The following ADAMTSL1 variants were observed in gnomAD, a reference collection of about 807,000 sequenced individuals.
ADAMTSL1 encodes the protein ADAMTS like 1.
Under a neutral mutation model 201.8 loss-of-function variants are expected in ADAMTSL1, and 126 were observed. The ratio of observed to expected loss-of-function variants is 0.62; its 90% CI spans 0.54 to 0.72. The LOEUF (loss-of-function observed/expected upper bound fraction) is 0.72. Ranked by LOEUF, ADAMTSL1 falls within the 30% of genes least tolerant of loss-of-function variation. The pLI is 0.00. For synonymous variants in ADAMTSL1, 1,121 were observed against 903.4 expected (o/e 1.24, Z -4.32); for missense variants, 2,679 against 2,277.8 (o/e 1.18, Z -3.59).
chr9:18,522,908 C>T (rs942753494), intron 2 of ADAMTSL1, among the ~76,000 whole-genome samples: 1 of 152,132 alleles, frequency 6.6e-6, no homozygotes, highest in African/African-American at 2.4e-5. Context: ...CATATGTGTG[C>T]ATGTGTCTTT....
intron 2 of ADAMTSL1, among the ~76,000 whole-genome samples, chr9:18,366,600 A>C (rs1282949587): frequency 1.4e-5 from 2 of 148,112 alleles, no homozygotes; most frequent in Non-Finnish European, 3.0e-5. Flanking sequence ...ACTATTATTT[A>C]AATGGATAGT....
chr9:17,975,072 T>C (rs1554673531), intron 1 of ADAMTSL1, among the ~76,000 whole-genome samples: 1 of 151,952 alleles, frequency 6.6e-6, no homozygotes, highest in Non-Finnish European at 1.5e-5. Flanking sequence ...AGATGCAAAG[T>C]GGTATTTTAT....
chr9:18,579,058 C>G (rs139716973), intron 4 of ADAMTSL1, among the ~76,000 whole-genome samples: 3 of 151,216 alleles, frequency 2.0e-5, no homozygotes, highest in Admixed American at 6.6e-5. Context: ...TGTCATGTTG[C>G]GGCATTATTC....
At chr9:18,399,096 T>C (rs1333556922) in intron 2 of ADAMTSL1, among the ~76,000 whole-genome samples, 1 of 151,470 alleles carries the variant, frequency 6.6e-6, no homozygotes, top group African/African-American at 2.4e-5. Context: ...TCCAGTACAT[T>C]TTTAGCTCTT....
chr9:18,323,437 G>A (rs1342245195), intron 2 of ADAMTSL1, among the ~76,000 whole-genome samples: 8 of 152,052 alleles, frequency 5.3e-5, no homozygotes. Flanking sequence ...CACAGTTAAT[G>A]GTAAAATAGT....
chr9:18,254,313 C>T (rs536016313), intron 2 of ADAMTSL1, among the ~76,000 whole-genome samples: 91 of 145,310 alleles, frequency 6.3e-4, no homozygotes, highest in African/African-American at 2.3e-3. Flanking sequence ...TAAACAGCCT[C>T]ACCTATGGAA....
chr9:18,814,691 C>T (rs1025723221), intron 20 of ADAMTSL1, among the ~76,000 whole-genome samples: 5 of 152,008 alleles, frequency 3.3e-5, no homozygotes, highest in African/African-American at 9.7e-5. Context: ...GATGAGAACA[C>T]GTGGACACAG....
intron 3 of ADAMTSL1, among the ~76,000 whole-genome samples, chr9:18,559,509 T>C (rs1440847707): frequency 1.3e-5 from 2 of 152,210 alleles, no homozygotes; most frequent in Non-Finnish European, 2.9e-5. Flanking sequence ...TGGTTCCATA[T>C]GAAATTTGAA....
At chr9:18,395,481 T>C (rs1817717019) in intron 2 of ADAMTSL1, among the ~76,000 whole-genome samples, 1 of 152,190 alleles carries the variant, frequency 6.6e-6, no homozygotes, top group Non-Finnish European at 1.5e-5. Flanking sequence ...ACTCTACCTA[T>C]TCTTCTCCAA....
intron 5 of ADAMTSL1, among the ~76,000 whole-genome samples, chr9:18,625,694 C>T (rs976420491): frequency 6.6e-6 from 1 of 152,236 alleles, no homozygotes; most frequent in South Asian, 2.1e-4. Flanking sequence ...TCTATATTTT[C>T]CAAGTATACT....
intron 2 of ADAMTSL1, among the ~76,000 whole-genome samples, chr9:18,414,975 C>A (rs1257831459): frequency 1.3e-5 from 2 of 152,130 alleles, no homozygotes; most frequent in Non-Finnish European, 2.9e-5. Context: ...AAAGTCTTGC[C>A]TCAATCATGG....
At chr9:18,170,428 C>T (rs962840773) in intron 2 of ADAMTSL1, among the ~76,000 whole-genome samples, 1 of 151,840 alleles carries the variant, frequency 6.6e-6, no homozygotes, top group African/African-American at 2.4e-5. Flanking sequence ...GAATAAATAT[C>T]TTGGAGAAAT....
At chr9:18,834,018 G>C (rs1825162224) in intron 23 of ADAMTSL1, among the ~76,000 whole-genome samples, 1 of 152,040 alleles carries the variant, frequency 6.6e-6, no homozygotes, top group Non-Finnish European at 1.5e-5. Flanking sequence ...CCTTATTTCT[G>C]GGTTCTCTAT....
At chr9:18,884,822 G>GAACT (rs1426798317) in intron 23 of ADAMTSL1, among the ~76,000 whole-genome samples, 2 of 152,128 alleles carry the variant, frequency 1.3e-5, no homozygotes, top group African/African-American at 4.8e-5. Context: ...TTGAAATCAG[G>GAACT]AACTATGAAT....
intron 3 of ADAMTSL1, among the ~76,000 whole-genome samples, chr9:18,537,933 G>C (rs887052498): frequency 2.8e-5 from 4 of 143,884 alleles, no homozygotes; most frequent in African/African-American, 1.0e-4. Context: ...AAGAAGAAGA[G>C]GAGGAAGAGG....
chr9:18,755,284 C>T (rs1819690101), intron 16 of ADAMTSL1, among the ~76,000 whole-genome samples: 1 of 152,174 alleles, frequency 6.6e-6, no homozygotes, highest in Non-Finnish European at 1.5e-5. Context: ...CATGCCAATC[C>T]TAATAAAAGG....
intron 1 of ADAMTSL1, among the ~76,000 whole-genome samples, chr9:18,057,240 G>C (rs1822235335): frequency 1.3e-5 from 2 of 152,084 alleles, no homozygotes; most frequent in South Asian, 4.2e-4. Context: ...CCTGTGTGTG[G>C]AACTGATGTG....
intron 2 of ADAMTSL1, among the ~76,000 whole-genome samples, chr9:18,398,218 T>A (rs1587072847): frequency 6.6e-6 from 1 of 152,168 alleles, no homozygotes; most frequent in African/African-American, 2.4e-5. Context: ...ACCCTGATGC[T>A]TCATGTAACA....
intron 5 of ADAMTSL1, among the ~76,000 whole-genome samples, chr9:18,630,758 C>G (rs369340782): frequency 3.0e-4 from 45 of 152,236 alleles, no homozygotes; most frequent in Middle Eastern, 3.4e-3. Flanking sequence ...CCTGTTAGTT[C>G]ATCTTTGTCA....
Sources: allele counts gnomAD v4.1 joint callset (sites outside exome capture counted in the v4.1 genomes callset), GRCh38; gene constraint gnomAD v4.1.1; transcripts MANE v1.5; gene names NCBI Gene and HGNC (gene_info 2026-07-23, HGNC 2026-07-21).